LRBA: variants seen among roughly 807,000 people sequenced by gnomAD.
LRBA encodes lipopolysaccharide-responsive and beige-like anchor protein.
In LRBA, 176 loss-of-function variants were observed where a neutral mutation model predicts 330.0. The observed-to-expected ratio is 0.53, with a 90% CI of 0.47 to 0.60. The LOEUF is 0.60. Among genes scored for constraint, LRBA ranks in the 20% least tolerant of loss-of-function variants. The pLI, the probability that LRBA is intolerant of heterozygous loss-of-function variation, is 0.00. For synonymous variants in LRBA, 1,230 were observed against 1,193.0 expected (o/e 1.03, Z -0.64); for missense variants, 3,259 against 3,444.8 (o/e 0.95, Z 1.35).
intron 37 of LRBA, among the ~76,000 whole-genome samples, chr4:150,680,074 G>C (rs540501022): frequency 6.6e-6 from 1 of 152,118 alleles, no homozygotes; most frequent in Non-Finnish European, 1.5e-5. Flanking sequence ...CACAATGCCT[G>C]CTCCATGCAC....
intron 2 of LRBA, among the ~76,000 whole-genome samples, chr4:150,957,823 G>A (rs1334094917): frequency 6.7e-6 from 1 of 149,056 alleles, no homozygotes; most frequent in Admixed American, 6.6e-5. Context: ...AAAGCCAGTG[G>A]GACAGTCAAA....
At chr4:150,290,747 A>G (rs570888455) in intron 53 of LRBA, among the ~76,000 whole-genome samples, 6 of 152,260 alleles carry the variant, frequency 3.9e-5, no homozygotes, top group Admixed American at 6.5e-5. Context: ...CCTTAAAGGA[A>G]GATGAACAAG....
intron 47 of LRBA, among the ~76,000 whole-genome samples, chr4:150,379,484 G>A (rs1199216240): frequency 6.6e-6 from 1 of 152,076 alleles, no homozygotes; most frequent in Non-Finnish European, 1.5e-5. Flanking sequence ...TCAGGTTATA[G>A]GTTCAATCCC....
At chr4:150,872,524 T>C in intron 18 of LRBA, 139 bp downstream of exon 18, 2 of 538,902 alleles carry the variant, frequency 3.7e-6, no homozygotes, top group Non-Finnish European at 6.6e-6. Context: ...TATGTACTAG[T>C]GGGATTACAT....
intron 2 of LRBA, among the ~76,000 whole-genome samples, chr4:150,968,044 G>A (rs1284963390): frequency 7.3e-6 from 1 of 136,450 alleles, no homozygotes; most frequent in African/African-American, 2.8e-5. Context: ...TCACTCTGTC[G>A]CCCAGGCTGG....
At chr4:150,384,360 T>G (rs1194492750) in intron 47 of LRBA, among the ~76,000 whole-genome samples, 1 of 152,158 alleles carries the variant, frequency 6.6e-6, no homozygotes, top group Non-Finnish European at 1.5e-5. Flanking sequence ...TTTACATCTA[T>G]ATAAAAGGTT....
chr4:150,754,950 T>G (rs1734092194), intron 35 of LRBA, among the ~76,000 whole-genome samples: 1 of 152,218 alleles, frequency 6.6e-6, no homozygotes, highest in South Asian at 2.1e-4. Flanking sequence ...GCCACACTGT[T>G]TACTTACGTG....
At chr4:150,434,871 A>G (rs927281392) in intron 46 of LRBA, among the ~76,000 whole-genome samples, 2 of 152,082 alleles carry the variant, frequency 1.3e-5, no homozygotes, top group Non-Finnish European at 2.9e-5. Flanking sequence ...AAAAAAAAAA[A>G]AGAGTTCGGA....
At chr4:150,456,143 G>A (rs1754034977) in intron 44 of LRBA, among the ~76,000 whole-genome samples, 1 of 152,132 alleles carries the variant, frequency 6.6e-6, no homozygotes, top group African/African-American at 2.4e-5. Flanking sequence ...TGGGAGTGCA[G>A]ATACCTCTTT....
intron 56 of LRBA, among the ~76,000 whole-genome samples, chr4:150,272,017 T>C (rs1327225874): frequency 6.6e-6 from 1 of 152,128 alleles, no homozygotes; most frequent in Admixed American, 6.5e-5. Context: ...CTGCTAATGG[T>C]CAAACTGCCT....
At chr4:150,939,732 A>G (rs950447687) in intron 2 of LRBA, among the ~76,000 whole-genome samples, 33 of 152,156 alleles carry the variant, frequency 2.2e-4, no homozygotes, top group African/African-American at 7.2e-4. Context: ...CTTCACCCAG[A>G]CCTTCCTACA....
chr4:150,537,013 G>T (rs1411127047), intron 40 of LRBA, among the ~76,000 whole-genome samples: 1 of 152,150 alleles, frequency 6.6e-6, no homozygotes, highest in Non-Finnish European at 1.5e-5. Context: ...AAAAGAGGCT[G>T]AATAGCCAAA....
At chr4:150,565,023 T>G (rs866303894) in intron 40 of LRBA, among the ~76,000 whole-genome samples, 13 of 151,846 alleles carry the variant, frequency 8.6e-5, no homozygotes, top group Middle Eastern at 3.2e-3. Context: ...ATCCCGTTAC[T>G]GGATAAATCA....
chr4:150,698,169 A>G (rs1345522330), intron 36 of LRBA, among the ~76,000 whole-genome samples: 2 of 152,182 alleles, frequency 1.3e-5, no homozygotes, highest in Admixed American at 6.5e-5. Flanking sequence ...CTAAGTGCAC[A>G]TGAGAAAAGT....
At position 150,415,465 on chromosome 4, in the gene LRBA, T is replaced by C. The variant is rs1456691130; in HGVS notation, c.7167A>G (p.Ser2389=). Residue 2389 remains serine, a synonymous_variant, in exon 47 of 57, where the codon TCA becomes TCG. Coordinates refer to ENST00000651943, the MANE Select transcript of LRBA (RefSeq NM_001364905.1). ...ATCTGTTTATGTGAACAAATTCTTC[T>C]GAGGTTTTGGCCCAAGGAGGAAGTT... ...DVELPPWAKT[S]EEFVHINRLA... 6 of 1,613,624 alleles carry C rather than the reference T, an allele frequency of 3.7e-6. No homozygotes were observed. The highest frequency in any genetic ancestry group is 2.5e-6 in the Non-Finnish European group (3 of 1,179,700).
chr4:150,394,827 AGATGGTGG>A (rs1209575083), intron 47 of LRBA, among the ~76,000 whole-genome samples: 1 of 152,198 alleles, frequency 6.6e-6, no homozygotes, highest in Non-Finnish European at 1.5e-5. Flanking sequence ...TGTCATGGTG[AGATGGTGG>A]GGAGCAGGTG....
At chr4:150,684,625 G>A (rs1243130547) in intron 36 of LRBA, among the ~76,000 whole-genome samples, 6 of 151,830 alleles carry the variant, frequency 4.0e-5, no homozygotes, top group Admixed American at 2.0e-4. Flanking sequence ...TTTGGAATTC[G>A]GATACTTGTG....
chr4:150,549,926 G>A (rs768445293), intron 40 of LRBA, among the ~76,000 whole-genome samples: 13 of 152,212 alleles, frequency 8.5e-5, no homozygotes, highest in Non-Finnish European at 1.9e-4. Flanking sequence ...AGAAGATGAG[G>A]GAACTACGAA....
chr4:150,781,025 G>A (rs1044268942), intron 34 of LRBA, among the ~76,000 whole-genome samples: 13 of 151,804 alleles, frequency 8.6e-5, no homozygotes, highest in Admixed American at 2.6e-4. Context: ...GACTACAGGC[G>A]CCCACCACCA....
Sources: allele counts gnomAD v4.1 joint callset (sites outside exome capture counted in the v4.1 genomes callset), GRCh38; gene constraint gnomAD v4.1.1; transcripts MANE v1.5; gene names NCBI Gene and HGNC (gene_info 2026-07-23, HGNC 2026-07-21).